GRAMD1B: variants seen among roughly 807,000 people sequenced by gnomAD.
GRAMD1B encodes GRAM domain containing 1B, also known as protein Aster-B.
GRAMD1B carries 37 observed loss-of-function variants against 99.7 expected under a neutral mutation model. The observed-to-expected ratio is 0.37, with a 90% CI of 0.29 to 0.49. GRAMD1B has a LOEUF of 0.49. Among genes scored for constraint, GRAMD1B ranks in the 20% least tolerant of loss-of-function variants. The pLI is 0.98. For missense variants in GRAMD1B, 888 were observed against 1,009.2 expected, an observed-to-expected ratio of 0.88 and a Z score of 1.63; for synonymous variants, 427 against 387.6, an observed-to-expected ratio of 1.10 and a Z score of -1.19.
At chr11:123,593,822 C>T (rs1487424625) in intron 4 of GRAMD1B, among the ~76,000 whole-genome samples, 1 of 152,096 alleles carries the variant, frequency 6.6e-6, no homozygotes, top group African/African-American at 2.4e-5. Context: ...CGGGATATAA[C>T]GAGAGCCCCT....
At chr11:123,618,827 C>A in intron 18 of GRAMD1B, 27 bp downstream of exon 18, 1 of 1,088,462 alleles carries the variant, frequency 9.2e-7, no homozygotes, top group Non-Finnish European at 1.4e-6. Context: ...CCCCTCACCT[C>A]CACCTTCATC....
chr11:123,389,316 A>G (rs1257205370), intron 1 of GRAMD1B, among the ~76,000 whole-genome samples: 1 of 151,874 alleles, frequency 6.6e-6, no homozygotes, highest in African/African-American at 2.4e-5. Flanking sequence ...CCTGGTAGGC[A>G]GAGCTTGCAG....
intron 1 of GRAMD1B, among the ~76,000 whole-genome samples, chr11:123,361,796 T>C (rs1946155468): frequency 1.3e-5 from 2 of 152,208 alleles, no homozygotes; most frequent in Non-Finnish European, 1.5e-5. Flanking sequence ...GCATTGCACA[T>C]CTGCATAATG....
At chr11:123,406,164 A>G (rs1290908167) in intron 1 of GRAMD1B, among the ~76,000 whole-genome samples, 1 of 150,948 alleles carries the variant, frequency 6.6e-6, no homozygotes, top group Non-Finnish European at 1.5e-5. Flanking sequence ...GGTTTTCACT[A>G]TGTTGGCCAG....
At chr11:123,586,876 A>G (rs1000340870) in intron 4 of GRAMD1B, among the ~76,000 whole-genome samples, 1 of 152,192 alleles carries the variant, frequency 6.6e-6, no homozygotes, top group Admixed American at 6.5e-5. Context: ...TGCTGCAGCC[A>G]TTCTGATATC....
intron 7 of GRAMD1B, among the ~76,000 whole-genome samples, chr11:123,597,406 T>C (rs1007863897): frequency 6.6e-6 from 1 of 151,992 alleles, no homozygotes; most frequent in Non-Finnish European, 1.5e-5. Context: ...CTCCTTTCTT[T>C]ATGGAACTAT....
intron 1 of GRAMD1B, among the ~76,000 whole-genome samples, chr11:123,381,255 C>T (rs1273870963): frequency 4.6e-5 from 7 of 152,120 alleles, no homozygotes; most frequent in African/African-American, 1.4e-4. Flanking sequence ...CCTGAGAGTC[C>T]GGGCTCTAGG....
intron 1 of GRAMD1B, among the ~76,000 whole-genome samples, chr11:123,452,215 T>G (rs1447890959): frequency 6.6e-6 from 1 of 152,152 alleles, no homozygotes; most frequent in Non-Finnish European, 1.5e-5. Context: ...AATGTGACAG[T>G]CAAGTCCAAC....
intron 4 of GRAMD1B, among the ~76,000 whole-genome samples, chr11:123,590,289 T>C (rs1016821809): frequency 1.3e-5 from 2 of 152,210 alleles, no homozygotes; most frequent in African/African-American, 4.8e-5. Flanking sequence ...AGGCTGCTAC[T>C]GCTGCTTTGG....
intron 1 of GRAMD1B, among the ~76,000 whole-genome samples, chr11:123,437,769 C>T (rs1233797537): frequency 6.6e-6 from 1 of 152,222 alleles, no homozygotes; most frequent in Non-Finnish European, 1.5e-5. Context: ...GAATACACAG[C>T]ATTGGTATAT....
chr11:123,407,231 C>T (rs1947886313), intron 1 of GRAMD1B, among the ~76,000 whole-genome samples: 2 of 151,748 alleles, frequency 1.3e-5, no homozygotes, highest in African/African-American at 4.8e-5. Flanking sequence ...AAATGGAAAG[C>T]TGAACATTCC....
chr11:123,410,904 C>T (rs1031286253), intron 1 of GRAMD1B, among the ~76,000 whole-genome samples: 1 of 152,146 alleles, frequency 6.6e-6, no homozygotes, highest in African/African-American at 2.4e-5. Flanking sequence ...CATCTTCATG[C>T]CTACCTAATG....
intron 1 of GRAMD1B, among the ~76,000 whole-genome samples, chr11:123,391,598 AGGTGACT>A (rs1376370109): frequency 6.6e-6 from 1 of 152,190 alleles, no homozygotes; most frequent in Non-Finnish European, 1.5e-5. Flanking sequence ...CTGGGATTAC[AGGTGACT>A]GCCAGCACGC....
chr11:123,552,410 G>A (rs1945716559), intron 2 of GRAMD1B, among the ~76,000 whole-genome samples: 1 of 151,730 alleles, frequency 6.6e-6, no homozygotes, highest in Non-Finnish European at 1.5e-5. Flanking sequence ...CAGTAGCTGG[G>A]ATTACAGGGG....
rs1162040124 is a variant in GRAMD1B at position 123,526,210 on chromosome 11, T to G, written c.452+45317T>G. The G allele has an allele frequency of 1.9e-6, 3 of 1,588,906 alleles. No homozygotes were observed. In the African/African-American group the frequency reaches 4.0e-5, roughly 21 times the overall value. ...GGATAGGGCACCTTCCTCTTCTGCC[T>G]TTCTTCAGCCCTGTGCTCGCCCCAG... On this transcript the variant is annotated intron_variant, in intron 2 of 19. Coordinates refer to ENST00000635736, the MANE Select transcript of GRAMD1B (RefSeq NM_001387025.1).
intron 3 of GRAMD1B, among the ~76,000 whole-genome samples, chr11:123,579,869 A>G (rs1052198549): frequency 6.6e-6 from 1 of 152,170 alleles, no homozygotes; most frequent in Non-Finnish European, 1.5e-5. Context: ...TGGAGATGCT[A>G]AAAGGAGACA....
chr11:123,473,374 TAA>T (rs1050635332), intron 1 of GRAMD1B, among the ~76,000 whole-genome samples: 4 of 152,100 alleles, frequency 2.6e-5, no homozygotes, highest in African/African-American at 9.7e-5. Flanking sequence ...AATTTCTTCT[TAA>T]CTCCCATATC....
chr11:123,466,450 GAGAAAGAAAGAA>G (rs551394884), intron 1 of GRAMD1B, among the ~76,000 whole-genome samples: 36 of 150,486 alleles, frequency 2.4e-4, no homozygotes, highest in Non-Finnish European at 2.7e-4. Flanking sequence ...AAGAAAGAAA[GAGAAAGAAAGAA>G]AGAAAGAAAA....
chr11:123,615,043 T>C (rs1954163593), intron 17 of GRAMD1B, among the ~76,000 whole-genome samples: 1 of 152,254 alleles, frequency 6.6e-6, no homozygotes, highest in Non-Finnish European at 1.5e-5. Flanking sequence ...GCATTTACTG[T>C]ATGCTAGGCC....
Sources: gnomAD v4.1 joint callset for allele counts (sites outside exome capture counted in the v4.1 genomes callset) on GRCh38, gnomAD v4.1.1 for gene constraint, MANE v1.5 for transcripts, NCBI Gene and HGNC (gene_info 2026-07-23, HGNC 2026-07-21) for gene names.